PPP1R12B: variants seen among roughly 807,000 people sequenced by gnomAD.
PPP1R12B encodes the protein protein phosphatase 1 regulatory subunit 12B.
PPP1R12B carries 76 observed loss-of-function variants against 126.1 expected under a neutral mutation model. The ratio of observed to expected loss-of-function variants is 0.60; its 90% confidence interval spans 0.50 to 0.73. The LOEUF (loss-of-function observed/expected upper bound fraction) is 0.73. PPP1R12B is among the 30% of genes least tolerant of loss of function. The pLI is 0.00. For synonymous variants in PPP1R12B, 356 were observed against 434.7 expected, an observed-to-expected ratio of 0.82 and a Z score of 2.25; for missense variants, 1,052 against 1,205.1, an observed-to-expected ratio of 0.87 and a Z score of 1.88.
chr1:202,454,663 G>A (rs1381598998), intron 13 of PPP1R12B, among the ~76,000 whole-genome samples: 1 of 152,176 alleles, frequency 6.6e-6, no homozygotes, highest in Non-Finnish European at 1.5e-5. Context: ...GCCAGGTATG[G>A]TAGCTCACAC....
intron 13 of PPP1R12B, among the ~76,000 whole-genome samples, chr1:202,462,462 G>T (rs766555245): frequency 6.6e-6 from 1 of 152,146 alleles, no homozygotes; most frequent in East Asian, 1.9e-4. Context: ...CTCAGGACAC[G>T]TGCATTTAGA....
intron 18 of PPP1R12B, among the ~76,000 whole-genome samples, chr1:202,521,007 A>T (rs889306638): frequency 6.6e-6 from 1 of 152,060 alleles, no homozygotes; most frequent in Non-Finnish European, 1.5e-5. Flanking sequence ...TACAAATAGG[A>T]GCTGGGCTAA....
At position 202,437,810 on chromosome 1, in the gene PPP1R12B, T is replaced by G. The variant is rs1671034791; in HGVS notation, c.1255-11T>G. ...TTTATTTTTCATTTCTTTTATTTGC[T>G]TCTCTCATAGTTCTCTTCTGGCCTT... On this transcript the variant is annotated splice_polypyrimidine_tract_variant and intron_variant, in intron 9 of 23. Transcript: ENST00000608999. 2 of 1,578,916 alleles carry G rather than the reference T, an allele frequency of 1.3e-6. No individual in the cohort carries two copies. The highest frequency in any genetic ancestry group is 2.7e-5 in the African/African-American group (2 of 72,980).
chr1:202,468,689 C>T (rs1321527729), intron 13 of PPP1R12B, among the ~76,000 whole-genome samples: 1 of 152,198 alleles, frequency 6.6e-6, no homozygotes, highest in African/African-American at 2.4e-5. Context: ...CACGGTGGCT[C>T]ATGCCTGTAA....
chr1:202,438,037 A>C lies in PPP1R12B; in HGVS notation c.1458+13A>C. On this transcript the variant is annotated intron_variant, in intron 10 of 23. Transcript: ENST00000608999. Reference sequence around the variant, plus strand: ...CAACAAAGATAAGGTGCAGTTTGGGAGGGTATGGGGGAATTCCAAGGCAGT... The same window carrying C: ...CAACAAAGATAAGGTGCAGTTTGGGCGGGTATGGGGGAATTCCAAGGCAGT... 3 of 1,613,740 alleles carry C rather than the reference A, an allele frequency of 1.9e-6. No individual in the cohort carries two copies. The highest frequency in any genetic ancestry group is 2.5e-6 in the Non-Finnish European group (3 of 1,179,832).
At chr1:202,516,610 C>G (rs2148905738) in intron 18 of PPP1R12B, among the ~76,000 whole-genome samples, 1 of 151,880 alleles carries the variant, frequency 6.6e-6, no homozygotes, top group Non-Finnish European at 1.5e-5. Flanking sequence ...GGCAGAGCTC[C>G]AAGATAGTTT....
intron 11 of PPP1R12B, among the ~76,000 whole-genome samples, 190 bp downstream of exon 11, chr1:202,440,978 T>C (rs900293773): frequency 3.9e-5 from 6 of 152,216 alleles, no homozygotes; most frequent in African/African-American, 1.4e-4. Flanking sequence ...ATTTTTCAAA[T>C]TCTAACTCCA....
At chr1:202,386,337 T>G (rs1474920121) in intron 1 of PPP1R12B, among the ~76,000 whole-genome samples, 2 of 149,796 alleles carry the variant, frequency 1.3e-5, no homozygotes, top group South Asian at 2.1e-4. Flanking sequence ...TTATTTTTAT[T>G]TATTTATTTT....
At chr1:202,406,804 T>C (rs754757666) in intron 1 of PPP1R12B, among the ~76,000 whole-genome samples, 13 of 152,270 alleles carry the variant, frequency 8.5e-5, no homozygotes, top group East Asian at 3.8e-4. Flanking sequence ...TCAGCTCTTA[T>C]GTACAGAATT....
At chr1:202,504,121 G>A (rs1443223852) in intron 18 of PPP1R12B, among the ~76,000 whole-genome samples, 3 of 152,110 alleles carry the variant, frequency 2.0e-5, no homozygotes, top group African/African-American at 2.4e-5. Context: ...GAGGCCGGCC[G>A]TAGTGGCTCA....
chr1:202,376,047 ATGAAC>A (rs1661135060), intron 1 of PPP1R12B, among the ~76,000 whole-genome samples: 1 of 152,236 alleles, frequency 6.6e-6, no homozygotes, highest in African/African-American at 2.4e-5. Context: ...TGTTCAATGA[ATGAAC>A]TGAGCAGAGG....
intron 13 of PPP1R12B, among the ~76,000 whole-genome samples, chr1:202,456,686 G>A (rs902904763): frequency 2.6e-5 from 4 of 152,186 alleles, no homozygotes; most frequent in East Asian, 3.8e-4. Flanking sequence ...CTATACAAGC[G>A]TCAGGGTAGG....
intron 13 of PPP1R12B, among the ~76,000 whole-genome samples, chr1:202,473,356 G>A (rs1676185005): frequency 6.6e-6 from 1 of 152,202 alleles, no homozygotes; most frequent in South Asian, 2.1e-4. Flanking sequence ...TAGCAGATAT[G>A]AAATTTGTTC....
intron 18 of PPP1R12B, among the ~76,000 whole-genome samples, chr1:202,534,503 TTATC>T (rs1273274336): frequency 1.3e-5 from 2 of 152,148 alleles, no homozygotes; most frequent in East Asian, 1.9e-4. Flanking sequence ...CTTTATTTCT[TTATC>T]TATCTATATT....
intron 18 of PPP1R12B, among the ~76,000 whole-genome samples, chr1:202,507,274 C>CT (rs1462084279): frequency 7.9e-5 from 12 of 152,202 alleles, no homozygotes; most frequent in African/African-American, 2.9e-4. Context: ...GCATCCAAAT[C>CT]TCTGACTGCT....
intron 1 of PPP1R12B, among the ~76,000 whole-genome samples, chr1:202,374,003 T>C (rs1466770259): frequency 1.3e-5 from 2 of 152,196 alleles, no homozygotes; most frequent in African/African-American, 2.4e-5. Context: ...TTAATAACCC[T>C]GGGAAATTTA....
At chr1:202,535,377 G>A (rs1295534045) in intron 18 of PPP1R12B, among the ~76,000 whole-genome samples, 1 of 151,918 alleles carries the variant, frequency 6.6e-6, no homozygotes, top group Admixed American at 6.6e-5. Context: ...AGAGGAAAAA[G>A]TAGAAATTAC....
intron 1 of PPP1R12B, among the ~76,000 whole-genome samples, chr1:202,375,550 C>A (rs1349476851): frequency 6.6e-6 from 1 of 152,196 alleles, no homozygotes; most frequent in African/African-American, 2.4e-5. Flanking sequence ...ATGGCATAAC[C>A]TATACTGTGT....
chr1:202,482,652 G>A (rs2148822643), intron 13 of PPP1R12B, among the ~76,000 whole-genome samples: 1 of 152,248 alleles, frequency 6.6e-6, no homozygotes, highest in Admixed American at 6.5e-5. Context: ...CTCCTTGTCA[G>A]ATGTATAGTT....
Sources: gnomAD v4.1 joint callset for allele counts (sites outside exome capture counted in the v4.1 genomes callset) on GRCh38, gnomAD v4.1.1 for gene constraint, MANE v1.5 for transcripts, NCBI Gene and HGNC (gene_info 2026-07-23, HGNC 2026-07-21) for gene names.